The following DLAT variants were observed in gnomAD, a reference collection of about 807,000 sequenced individuals.
DLAT encodes dihydrolipoyllysine-residue acetyltransferase component of pyruvate dehydrogenase complex, mitochondrial.
In DLAT, 43 loss-of-function variants were observed where a neutral mutation model predicts 68.0. That is an observed-to-expected ratio of 0.63 (90% CI 0.50 to 0.81). The LOEUF is 0.81. Ranked by LOEUF, DLAT falls within the 40% of genes least tolerant of loss-of-function variation. The pLI, the probability that DLAT is intolerant of heterozygous loss-of-function variation, is 0.00. For missense variants in DLAT, 745 were observed against 815.4 expected (o/e 0.91, Z 1.05); for synonymous variants, 265 against 288.6 (o/e 0.92, Z 0.83).
At chr11:112,027,309 G>A (rs1240977577) in intron 2 of DLAT, among the ~76,000 whole-genome samples, 4 of 133,198 alleles carry the variant, frequency 3.0e-5, no homozygotes, top group Non-Finnish European at 4.5e-5. Flanking sequence ...ACGGGGCGGC[G>A]GGGCAGAGGC....
At chr11:112,043,378 A>T in intron 7 of DLAT, 88 bp from the exon 8 acceptor site, 1 of 1,231,826 alleles carries the variant, frequency 8.1e-7, no homozygotes, top group Non-Finnish European at 1.2e-6. Context: ...GTAAACCCTT[A>T]GGAGCTTGCA....
intron 6 of DLAT, 78 bp downstream of exon 6, chr11:112,037,538 T>C: frequency 7.1e-7 from 1 of 1,409,998 alleles, no homozygotes; most frequent in Non-Finnish European, 9.9e-7. Flanking sequence ...GATGATATCC[T>C]AGGTTCCTTC....
chr11:112,032,987 C>T (rs1862494228), intron 4 of DLAT, among the ~76,000 whole-genome samples: 2 of 152,146 alleles, frequency 1.3e-5, no homozygotes, highest in Non-Finnish European at 2.9e-5. Flanking sequence ...TCACTTGAAA[C>T]CAGGAGGTGG....
intron 11 of DLAT, among the ~76,000 whole-genome samples, chr11:112,058,567 A>C (rs1864265983): frequency 7.2e-6 from 1 of 138,712 alleles, no homozygotes; most frequent in African/African-American, 2.6e-5. Context: ...GAGACCACGG[A>C]TAAAATCCAT....
intron 5 of DLAT, chr11:112,036,664 A>G (rs1013996330): frequency 1.3e-5 from 2 of 152,512 alleles, no homozygotes; most frequent in Non-Finnish European, 2.9e-5. Context: ...TTTGCAAGGA[A>G]GGCAGTAGTT....
rs781981920 is a variant in DLAT, at chr11:112,037,233, A to G, written c.788-40A>G. On this transcript the variant is annotated intron_variant, in intron 5 of 13. Coordinates refer to ENST00000280346, the MANE Select transcript of DLAT (RefSeq NM_001931.5). ...TGCTGTGAGTTTGGAGGGATAGTGGAATCTCTTAAGTCCCATAATGTTTTT... is the reference window on the plus strand; with the variant it reads ...TGCTGTGAGTTTGGAGGGATAGTGGGATCTCTTAAGTCCCATAATGTTTTT... 2.5e-5 allele frequency: 40 copies of G among 1,571,716 alleles called. No individual in the cohort carries two copies. The Admixed American group carries it at 6.7e-4, about 26-fold the overall frequency.
Position 112,060,024 on chromosome 11 carries a change from A to G in DLAT, c.1636A>G (p.Thr546Ala), listed in dbSNP as rs143152014. The G allele has an allele frequency of 2.5e-4, 409 of 1,614,086 alleles. 1 individual carries two copies. Among genetic ancestry groups the G allele is most frequent in the Non-Finnish European group, 1.9e-4 (220 of 1,180,000 alleles). ...TGCTAATGATGTTGTTTCTTTAGCA[A>G]CCAAAGCAAGAGAGGGTAAACTACA... ...TIANDVVSLA[T>A]KAREGKLQPH... Residue 546 changes from threonine to alanine, a missense_variant, in exon 12 of 14, where the codon ACC becomes GCC. By Grantham distance (58) the Thr-to-Ala change is moderately conservative (BLOSUM62 0). Transcript: ENST00000280346.
intron 1 of DLAT, 130 bp from the exon 2 acceptor site, chr11:112,026,068 C>A: frequency 2.4e-6 from 2 of 828,934 alleles, no homozygotes; most frequent in Non-Finnish European, 4.0e-6. Flanking sequence ...ACTCCCTTGG[C>A]ATCCCTAGTT....
intron 5 of DLAT, among the ~76,000 whole-genome samples, chr11:112,034,065 C>A (rs1862561970): frequency 6.6e-6 from 1 of 152,192 alleles, no homozygotes; most frequent in African/African-American, 2.4e-5. Flanking sequence ...TCAGATTTGT[C>A]AGTTCCATCC....
At chr11:112,043,404 G>T in intron 7 of DLAT, 62 bp from the exon 8 acceptor site, 6 of 1,479,280 alleles carry the variant, frequency 4.1e-6, no homozygotes, top group Non-Finnish European at 5.7e-6. Flanking sequence ...GGATCACAGC[G>T]TTGATCTCCT....
intron 5 of DLAT, among the ~76,000 whole-genome samples, chr11:112,034,477 G>T (rs1862585074): frequency 6.7e-6 from 1 of 148,214 alleles, no homozygotes; most frequent in Admixed American, 6.8e-5. Flanking sequence ...GAGTCTCGCT[G>T]TGTTGCCCAG....
In DLAT at chr11:112,028,777, C is replaced by G; in HGVS notation, c.507-15C>G. Reference sequence around the variant, plus strand: ...AATCTGCCCATTATATTTATGCATTCTTTCTCTTCCTTAGGCCTGAGGATA... The same window carrying G: ...AATCTGCCCATTATATTTATGCATTGTTTCTCTTCCTTAGGCCTGAGGATA... On this transcript the variant is annotated splice_polypyrimidine_tract_variant and intron_variant, in intron 3 of 13. Coordinates refer to ENST00000280346, the MANE Select transcript of DLAT (RefSeq NM_001931.5). 1.2e-6 allele frequency: 2 copies of G among 1,614,138 alleles called. No homozygotes were observed. Among genetic ancestry groups the G allele is most frequent in the Non-Finnish European group, 1.7e-6 (2 of 1,180,012 alleles).
Position 112,045,893 on chromosome 11 carries a change from C to A in DLAT, c.1321C>A (p.Gln441Lys), listed in dbSNP as rs1863290336. The stretch of plus-strand genomic sequence containing the variant: ...TGCACAGCGATTAATGCAATCAAAG[C>A]AAACCATACCTCATTATTACCTTTC... ...VIAQRLMQSK[Q>K]TIPHYYLSID... is the part of the protein sequence containing the mutation. The change falls in exon 10 of 14, where the codon CAA (glutamine) becomes AAA (lysine). Residue 441 changes from glutamine to lysine, a missense_variant. Coordinates refer to ENST00000280346, the MANE Select transcript of DLAT (RefSeq NM_001931.5). The A allele has an allele frequency of 8.7e-6, 14 of 1,611,874 alleles. No individual in the cohort carries two copies. Among genetic ancestry groups the A allele is most frequent in the Non-Finnish European group, 1.1e-5 (13 of 1,178,136 alleles).
At chr11:112,050,920 G>C (rs376062079) in intron 10 of DLAT, among the ~76,000 whole-genome samples, 1 of 152,208 alleles carries the variant, frequency 6.6e-6, no homozygotes, top group Non-Finnish European at 1.5e-5. Flanking sequence ...CCAATGTTTG[G>C]TTTCATTTCT....
At chr11:112,042,597 G>C (rs587670798) in intron 7 of DLAT, among the ~76,000 whole-genome samples, 1 of 152,330 alleles carries the variant, frequency 6.6e-6, no homozygotes, top group East Asian at 1.9e-4. Context: ...AAGTGGGCCA[G>C]TGTAAAAGGT....
chr11:112,044,521 T>C (rs1391000229), intron 8 of DLAT, among the ~76,000 whole-genome samples: 1 of 152,218 alleles, frequency 6.6e-6, no homozygotes, highest in Non-Finnish European at 1.5e-5. Flanking sequence ...ACTTATTTAT[T>C]ATTCCTTGCA....
In DLAT at chr11:112,033,483, G is replaced by A. The variant is rs781844698; in HGVS notation, c.740G>A (p.Ser247Asn). The change falls in exon 5 of 14, where the codon AGT (serine) becomes AAT (asparagine). Residue 247 changes from serine to asparagine, a missense_variant. Physicochemically the swap from Ser to Asn is conservative, Grantham distance 46. Transcript: ENST00000280346. ...GAAAAAAAAGTGGGTGAGAAGCTAA[G>A]TGAAGGAGACTTACTGGCAGAGATA... ...RWEKKVGEKL[S>N]EGDLLAEIET... The A allele has an allele frequency of 6.2e-7, 1 of 1,614,032 alleles. No homozygotes were observed. The highest frequency in any genetic ancestry group is 8.5e-7 in the Non-Finnish European group (1 of 1,179,960).
At chr11:112,055,954 G>C (rs375880664) in intron 11 of DLAT, among the ~76,000 whole-genome samples, 2 of 125,350 alleles carry the variant, frequency 1.6e-5, no homozygotes, top group Non-Finnish European at 3.2e-5. Context: ...TGCAACCTCC[G>C]CCTCCCGGGT....
intron 12 of DLAT, among the ~76,000 whole-genome samples, chr11:112,060,271 C>G (rs1864493618): frequency 6.6e-6 from 1 of 151,446 alleles, no homozygotes. Flanking sequence ...CGCCATTCTC[C>G]TGCCTCAGCC....
Sources: allele counts gnomAD v4.1 joint callset (sites outside exome capture counted in the v4.1 genomes callset), GRCh38; gene constraint gnomAD v4.1.1; transcripts MANE v1.5; gene names NCBI Gene and HGNC (gene_info 2026-07-23, HGNC 2026-07-21).